Variants in CNTNAP2 observed in about 807,000 individuals in gnomAD.
CNTNAP2 encodes contactin associated protein 2.
A neutral mutation model predicts 155.2 loss-of-function variants in CNTNAP2; 98 were observed. That is an observed-to-expected ratio of 0.63 (90% CI 0.54 to 0.75). The LOEUF is 0.75. Ranked by LOEUF, CNTNAP2 falls within the 30% of genes least tolerant of loss-of-function variation. The pLI is 0.00. For synonymous variants in CNTNAP2, 651 were observed against 631.2 expected (o/e 1.03, Z -0.47); for missense variants, 1,727 against 1,688.1 (o/e 1.02, Z -0.40).
At chr7:147,755,570 TGAACCCGAGAGGTG>T in intron 13 of CNTNAP2, among the ~76,000 whole-genome samples, 1 of 152,308 alleles carries the variant, frequency 6.6e-6, no homozygotes, top group East Asian at 1.9e-4. Context: ...GGAGAATTGC[TGAACCCGAGAGGTG>T]GAGGTTGCAG....
chr7:146,554,071 C>T lies in CNTNAP2; in HGVS notation c.98-220200C>T, dbSNP rs922465322. Among the ~76,000 whole-genome samples the T allele has an allele frequency of 6.6e-5, 10 of 152,084 alleles. No individual in the cohort carries two copies. In the South Asian group the frequency reaches 1.2e-3, roughly 19 times the overall value. On this transcript the variant is annotated intron_variant, in intron 1 of 23. Transcript: ENST00000361727. ...GTTGGTCAGATATCTGTATTAACACCGATTCATATCCCTCAAGCTGATGAG... is the reference window on the plus strand; with the variant it reads ...GTTGGTCAGATATCTGTATTAACACTGATTCATATCCCTCAAGCTGATGAG...
At chr7:147,383,807 C>A (rs1303690180) in intron 9 of CNTNAP2, among the ~76,000 whole-genome samples, 2 of 151,868 alleles carry the variant, frequency 1.3e-5, no homozygotes, top group Non-Finnish European at 2.9e-5. Context: ...GTTTATGAAT[C>A]ATTGATTCAT....
In CNTNAP2 at chr7:148,229,661, G is replaced by T. The variant is rs201827086; in HGVS notation, c.3263G>T (p.Arg1088Leu). 5.6e-6 allele frequency: 9 copies of T among 1,613,902 alleles called. No individual in the cohort carries two copies. In the Admixed American group the frequency reaches 8.3e-5, roughly 15 times the overall value. ...LVKPTGSLQI[R>L]YNLGGTREPY... ...TCTTCTATAGGAAGCTTACAGATTCGATACAACCTGGGTGGCACCCGAGAG... is the reference window on the plus strand; with the variant it reads ...TCTTCTATAGGAAGCTTACAGATTCTATACAACCTGGGTGGCACCCGAGAG... The change falls in exon 20 of 24, where the codon CGA becomes CTA. Residue 1088 changes from arginine (R) to leucine (L), a missense_variant. Coordinates refer to ENST00000361727, the MANE Select transcript of CNTNAP2 (RefSeq NM_014141.6).
intron 22 of CNTNAP2, among the ~76,000 whole-genome samples, chr7:148,406,529 T>G (rs1373049802): frequency 1.3e-5 from 2 of 152,190 alleles, no homozygotes; most frequent in African/African-American, 4.8e-5. Context: ...CAACTCCTTG[T>G]CCCTTTCTAG....
intron 20 of CNTNAP2, among the ~76,000 whole-genome samples, chr7:148,261,078 G>C (rs1435926613): frequency 6.6e-6 from 1 of 152,222 alleles, no homozygotes; most frequent in Non-Finnish European, 1.5e-5. Context: ...CTTCCTGGTA[G>C]AGAGAAGCCA....
chr7:148,243,962 C>T (rs772745680), intron 20 of CNTNAP2, among the ~76,000 whole-genome samples: 11 of 152,034 alleles, frequency 7.2e-5, no homozygotes, highest in Non-Finnish European at 1.3e-4. Flanking sequence ...TATATAGGTG[C>T]TAGGGGTTTA....
At chr7:148,326,993 C>T (rs1797903598) in intron 21 of CNTNAP2, among the ~76,000 whole-genome samples, 1 of 152,218 alleles carries the variant, frequency 6.6e-6, no homozygotes. Flanking sequence ...TCTGCTCATA[C>T]ACGTGCTCCC....
chr7:146,897,191 C>T (rs1373646234), intron 3 of CNTNAP2, among the ~76,000 whole-genome samples: 1 of 152,140 alleles, frequency 6.6e-6, no homozygotes, highest in African/African-American at 2.4e-5. Context: ...CCCATCATTA[C>T]ACTGAGATAC....
intron 21 of CNTNAP2, among the ~76,000 whole-genome samples, chr7:148,304,569 C>T (rs1423262153): frequency 6.6e-6 from 1 of 152,204 alleles, no homozygotes; most frequent in African/African-American, 2.4e-5. Flanking sequence ...CAGTTACTCA[C>T]CTCTGCTGTT....
intron 3 of CNTNAP2, among the ~76,000 whole-genome samples, chr7:146,957,152 A>G (rs1294885700): frequency 1.3e-5 from 2 of 152,180 alleles, no homozygotes; most frequent in Non-Finnish European, 2.9e-5. Flanking sequence ...CTTAGACTAT[A>G]TGGTATATCC....
At chr7:147,247,965 T>G (rs905034015) in intron 8 of CNTNAP2, among the ~76,000 whole-genome samples, 3 of 152,104 alleles carry the variant, frequency 2.0e-5, no homozygotes, top group African/African-American at 7.2e-5. Flanking sequence ...AAGGGGATGA[T>G]AAAGAGGAGG....
At chr7:146,976,991 G>C (rs1797924269) in intron 3 of CNTNAP2, among the ~76,000 whole-genome samples, 1 of 152,122 alleles carries the variant, frequency 6.6e-6, no homozygotes, top group African/African-American at 2.4e-5. Flanking sequence ...CTGCCCTGGG[G>C]AGAAAAATGA....
chr7:148,406,827 C>G (rs1292096702), intron 22 of CNTNAP2, among the ~76,000 whole-genome samples: 1 of 152,164 alleles, frequency 6.6e-6, no homozygotes, highest in Non-Finnish European at 1.5e-5. Flanking sequence ...TTATGGGTAG[C>G]ATGACTTATC....
chr7:147,002,944 C>CAAAAAAAAAAA (rs773401142), intron 3 of CNTNAP2, among the ~76,000 whole-genome samples: 2 of 52,940 alleles, frequency 3.8e-5, no homozygotes, highest in African/African-American at 6.8e-5. Context: ...ATGTTCCTTC[C>CAAAAAAAAAAA]AAAAAAAAAA....
chr7:147,005,569 C>T (rs1189894130), intron 3 of CNTNAP2, among the ~76,000 whole-genome samples: 2 of 151,926 alleles, frequency 1.3e-5, no homozygotes, highest in Non-Finnish European at 2.9e-5. Flanking sequence ...GGCCTAAATA[C>T]CACCTTCAAC....
At chr7:147,781,954 C>T (rs1797667994) in intron 13 of CNTNAP2, among the ~76,000 whole-genome samples, 1 of 150,908 alleles carries the variant, frequency 6.6e-6, no homozygotes. Flanking sequence ...ACCCAGGAGG[C>T]GAAGCTTGCA....
chr7:146,806,635 C>G (rs928770119), intron 2 of CNTNAP2, among the ~76,000 whole-genome samples: 1 of 152,168 alleles, frequency 6.6e-6, no homozygotes, highest in Non-Finnish European at 1.5e-5. Flanking sequence ...TGAGGAACCA[C>G]TTCTCTGGGA....
intron 4 of CNTNAP2, among the ~76,000 whole-genome samples, chr7:147,044,890 A>G (rs974561443): frequency 1.3e-5 from 2 of 152,008 alleles, no homozygotes; most frequent in Admixed American, 6.6e-5. Context: ...GTTTGGGCCA[A>G]GGTTGATGGT....
At position 147,346,147 on chromosome 7, in the gene CNTNAP2, TATTTTA is replaced by T. The variant is rs1563168739; in HGVS notation, c.1498+45858_1498+45863del. Among the ~76,000 whole-genome samples, 246 of 36,628 alleles carry T rather than the reference TATTTTA, an allele frequency of 6.7e-3. 3 individuals are homozygous for T. Among genetic ancestry groups the T allele is most frequent in the African/African-American group, 0.05 (231 of 4,612 alleles). 24.0% of individuals were successfully genotyped at this position (36,628 alleles called of 152,430 possible). A position where few individuals can be genotyped will look rare whatever the true frequency, so the allele number is the denominator to read the frequency against. On this transcript the variant is annotated intron_variant, in intron 9 of 23. Transcript: ENST00000361727. ...TCGAAGATTTTATTTTATTTTATTT[TATTTTA>T]TTTTTTTTTTTTGAGACAGAGTCTC... is the stretch of plus-strand genomic sequence containing the variant.
Sources: allele counts gnomAD v4.1 joint callset (sites outside exome capture counted in the v4.1 genomes callset), GRCh38; gene constraint gnomAD v4.1.1; transcripts MANE v1.5; gene names NCBI Gene and HGNC (gene_info 2026-07-23, HGNC 2026-07-21).